Variants in TRDN observed in about 807,000 individuals in gnomAD.
The protein encoded by TRDN is triadin, also known as triadin in skeletal muscle.
A neutral mutation model predicts 149.7 loss-of-function variants in TRDN; 161 were observed. The ratio of observed to expected loss-of-function variants is 1.08; its 90% confidence interval spans 0.95 to 1.23. The LOEUF (loss-of-function observed/expected upper bound fraction) is 1.23, where lower values mean the gene tolerates loss of function less well. TRDN is among the 50% of genes most tolerant of loss of function. The pLI is 0.00. For missense variants in TRDN, 896 were observed against 823.5 expected (o/e 1.09, Z -1.08); for synonymous variants, 294 against 250.5 (o/e 1.17, Z -1.64).
chr6:123,447,092 G>T (rs1261422131), intron 10 of TRDN, among the ~76,000 whole-genome samples: 1 of 151,998 alleles, frequency 6.6e-6, no homozygotes, highest in Non-Finnish European at 1.5e-5. Flanking sequence ...GGCCTTTCAG[G>T]CTCTGAATCC....
rs550039806 is a variant in TRDN, at chr6:123,516,335, T to G, written c.485-129A>C. 4.4e-6 allele frequency: 5 copies of G among 1,136,120 alleles called. No individual in the cohort carries two copies. The East Asian group carries it at 1.4e-4, about 31-fold the overall frequency. 70.4% of individuals were successfully genotyped at this position (1,136,120 alleles called of 1,614,324 possible). A position where few individuals can be genotyped will look rare whatever the true frequency, so the allele number is the denominator to read the frequency against. Reference sequence around the variant, plus strand: ...AATCTTTCTTTAACTGGATTCAGATTTTATGTAGTTAGAGGTTTAAACTTC... The same window carrying G: ...AATCTTTCTTTAACTGGATTCAGATGTTATGTAGTTAGAGGTTTAAACTTC... On this transcript the variant is annotated intron_variant, in intron 5 of 40. Coordinates refer to ENST00000334268, the MANE Select transcript of TRDN (RefSeq NM_006073.4).
intron 2 of TRDN, among the ~76,000 whole-genome samples, chr6:123,563,524 G>A (rs941140995): frequency 6.6e-6 from 1 of 152,186 alleles, no homozygotes; most frequent in Non-Finnish European, 1.5e-5. Context: ...GAATCTATGC[G>A]TATAATAAGA....
At chr6:123,483,066 T>TTTTTTATTATTATTA (rs543644350) in intron 9 of TRDN, among the ~76,000 whole-genome samples, 1 of 133,372 alleles carries the variant, frequency 7.5e-6, no homozygotes, top group African/African-American at 2.8e-5. Context: ...TGATTTCTCA[T>TTTTTTATTATTATTA]TTATTATTAT....
intron 24 of TRDN, among the ~76,000 whole-genome samples, chr6:123,311,681 T>C (rs1174926527): frequency 6.6e-6 from 1 of 151,940 alleles, no homozygotes; most frequent in Non-Finnish European, 1.5e-5. Context: ...GATTGTCTGC[T>C]ATAGAAGAGA....
At chr6:123,498,617 G>A (rs1366991979) in intron 8 of TRDN, 2 of 470,792 alleles carry the variant, frequency 4.2e-6, no homozygotes, top group Admixed American at 2.3e-5. Context: ...AGTAATAGCT[G>A]GAGTTTCTGA....
At chr6:123,558,987 G>A (rs1490693321) in intron 2 of TRDN, among the ~76,000 whole-genome samples, 1 of 152,236 alleles carries the variant, frequency 6.6e-6, no homozygotes, top group African/African-American at 2.4e-5. Flanking sequence ...TGTGCCATCT[G>A]TGCAGGACCC....
At chr6:123,307,487 C>T (rs1430921360) in intron 24 of TRDN, among the ~76,000 whole-genome samples, 1 of 152,030 alleles carries the variant, frequency 6.6e-6, no homozygotes, top group Admixed American at 6.6e-5. Flanking sequence ...CCTTTGACAA[C>T]AAACTCCTCA....
intron 12 of TRDN, among the ~76,000 whole-genome samples, chr6:123,408,213 T>G (rs1417519022): frequency 6.6e-6 from 1 of 152,210 alleles, no homozygotes; most frequent in Admixed American, 6.5e-5. Flanking sequence ...CTATTTATCT[T>G]GTTCATCCCA....
intron 24 of TRDN, among the ~76,000 whole-genome samples, chr6:123,293,185 T>G (rs1346628254): frequency 6.6e-6 from 1 of 152,134 alleles, no homozygotes; most frequent in East Asian, 1.9e-4. Context: ...AAGTCTCACT[T>G]CCCACATCTT....
intron 1 of TRDN, among the ~76,000 whole-genome samples, chr6:123,603,219 G>A (rs1176669029): frequency 3.7e-5 from 5 of 133,338 alleles, no homozygotes; most frequent in African/African-American, 1.4e-4. Flanking sequence ...AAATGAACAG[G>A]CTGATTTAGT....
chr6:123,475,321 A>G (rs1393817086), intron 9 of TRDN, among the ~76,000 whole-genome samples: 1 of 148,806 alleles, frequency 6.7e-6, no homozygotes, highest in Non-Finnish European at 1.5e-5. Context: ...AAATGGATAA[A>G]TTCCTCAACA....
intron 1 of TRDN, among the ~76,000 whole-genome samples, chr6:123,605,560 C>A (rs1043964838): frequency 6.7e-4 from 98 of 145,688 alleles, no homozygotes; most frequent in African/African-American, 2.2e-3. Flanking sequence ...GCCTAGTGTT[C>A]GAGACCAGCC....
intron 38 of TRDN, among the ~76,000 whole-genome samples, chr6:123,244,642 G>A (rs766494429): frequency 6.6e-5 from 10 of 152,160 alleles, no homozygotes; most frequent in Non-Finnish European, 1.2e-4. Context: ...AAGTGACGGG[G>A]AGAATGGAAC....
At chr6:123,312,844 C>A (rs969232357) in intron 24 of TRDN, among the ~76,000 whole-genome samples, 8 of 151,952 alleles carry the variant, frequency 5.3e-5, no homozygotes, top group African/African-American at 1.9e-4. Context: ...TGATTACACT[C>A]TTTGAGAATG....
At chr6:123,308,658 C>T (rs1176889145) in intron 24 of TRDN, among the ~76,000 whole-genome samples, 1 of 152,030 alleles carries the variant, frequency 6.6e-6, no homozygotes, top group Non-Finnish European at 1.5e-5. Flanking sequence ...ACTCACCCCA[C>T]TTGAATTCCC....
At chr6:123,627,239 A>G (rs1339158038) in intron 1 of TRDN, among the ~76,000 whole-genome samples, 1 of 151,998 alleles carries the variant, frequency 6.6e-6, no homozygotes, top group African/African-American at 2.4e-5. Context: ...CACAAAATGT[A>G]TTTCTTAAAA....
At chr6:123,515,842 C>T (rs1377114136) in intron 6 of TRDN, among the ~76,000 whole-genome samples, 3 of 152,072 alleles carry the variant, frequency 2.0e-5, no homozygotes, top group Admixed American at 2.0e-4. Context: ...ACCTATCAAA[C>T]TGACAAGTAT....
chr6:123,325,400 C>T (rs552127241), intron 23 of TRDN, among the ~76,000 whole-genome samples: 27 of 152,104 alleles, frequency 1.8e-4, no homozygotes, highest in African/African-American at 6.3e-4. Flanking sequence ...ATGTTGATTA[C>T]TAAACCAAAT....
intron 1 of TRDN, among the ~76,000 whole-genome samples, chr6:123,603,500 G>A (rs1784374974): frequency 6.6e-6 from 1 of 151,726 alleles, no homozygotes; most frequent in African/African-American, 2.4e-5. Context: ...TATAAAATGG[G>A]ATCAATTTAT....
Sources: allele counts gnomAD v4.1 joint callset (sites outside exome capture counted in the v4.1 genomes callset), GRCh38; gene constraint gnomAD v4.1.1; transcripts MANE v1.5; gene names NCBI Gene and HGNC (gene_info 2026-07-23, HGNC 2026-07-21).